ADGRD1: variants seen among roughly 807,000 people sequenced by gnomAD.
ADGRD1 encodes the protein adhesion G protein-coupled receptor D1.
ADGRD1 carries 77 observed loss-of-function variants against 113.4 expected under a neutral mutation model. That is an observed-to-expected ratio of 0.68 (90% CI 0.57 to 0.82). The LOEUF (loss-of-function observed/expected upper bound fraction) is 0.82. ADGRD1 is among the 40% of genes least tolerant of loss of function. The probability of loss-of-function intolerance (pLI) is 0.00; values close to 1 mark genes in which losing one functional copy is unlikely to be tolerated. For synonymous variants in ADGRD1, 474 were observed against 475.0 expected, an observed-to-expected ratio of 1.00 and a Z score of 0.03; for missense variants, 1,036 against 1,139.1, an observed-to-expected ratio of 0.91 and a Z score of 1.30.
chr12:130,958,105 G>T, intron 2 of ADGRD1: 1 of 153,530 alleles, frequency 6.5e-6, no homozygotes, highest in Non-Finnish European at 1.4e-5. Context: ...CCCTTCTCCT[G>T]CCTTCTCTCT....
intron 14 of ADGRD1, among the ~76,000 whole-genome samples, chr12:131,079,711 T>G (rs12425064): frequency 2.6e-5 from 4 of 151,934 alleles, no homozygotes; most frequent in African/African-American, 9.7e-5. Flanking sequence ...GCAGTTTATG[T>G]TTTTTTGAAA....
intron 14 of ADGRD1, among the ~76,000 whole-genome samples, chr12:131,081,872 G>T (rs1239148053): frequency 6.6e-6 from 1 of 152,082 alleles, no homozygotes; most frequent in Non-Finnish European, 1.5e-5. Flanking sequence ...AGTCTTGAAA[G>T]ATTTTCATTG....
intron 12 of ADGRD1, among the ~76,000 whole-genome samples, chr12:131,011,354 T>G (rs1877870755): frequency 6.6e-6 from 1 of 151,750 alleles, no homozygotes; most frequent in Non-Finnish European, 1.5e-5. Flanking sequence ...AGGAAACCAC[T>G]CCAGATTTGC....
intron 13 of ADGRD1, among the ~76,000 whole-genome samples, chr12:131,018,967 T>G (rs1878972878): frequency 6.6e-6 from 1 of 152,202 alleles, no homozygotes; most frequent in African/African-American, 2.4e-5. Context: ...AGGCAGCGTC[T>G]CAGCAAGGCC....
At chr12:131,053,182 T>C (rs1213682182) in intron 13 of ADGRD1, among the ~76,000 whole-genome samples, 1 of 152,242 alleles carries the variant, frequency 6.6e-6, no homozygotes, top group East Asian at 1.9e-4. Flanking sequence ...CTGGTAGCTC[T>C]TTCTCTGACA....
At chr12:130,990,791 G>A in intron 6 of ADGRD1, 1 of 466,040 alleles carries the variant, frequency 2.1e-6, no homozygotes, top group South Asian at 3.5e-5. Context: ...AAGCGATTGA[G>A]AATACAAATG....
chr12:130,972,396 T>C (rs1176186451), intron 4 of ADGRD1, among the ~76,000 whole-genome samples: 1 of 152,186 alleles, frequency 6.6e-6, no homozygotes, highest in African/African-American at 2.4e-5. Flanking sequence ...GATGAGTTCA[T>C]TGTACATGAT....
intron 18 of ADGRD1, among the ~76,000 whole-genome samples, chr12:131,111,746 T>A (rs1950351658): frequency 6.6e-6 from 1 of 152,242 alleles, no homozygotes; most frequent in Non-Finnish European, 1.5e-5. Flanking sequence ...TATTATACTT[T>A]TCGACTCCAG....
chr12:130,986,145 T>G (rs1873640657), intron 5 of ADGRD1, among the ~76,000 whole-genome samples: 1 of 152,244 alleles, frequency 6.6e-6, no homozygotes, highest in Non-Finnish European at 1.5e-5. Flanking sequence ...TTGGCTATTC[T>G]GGCTCTCTTC....
Position 131,002,020 on chromosome 12 carries a change from C to T in ADGRD1, c.1027-1165C>T, listed in dbSNP as rs191940596. Among the ~76,000 whole-genome samples, 1,222 of 152,238 alleles carry T rather than the reference C, an allele frequency of 8.0e-3. 8 individuals carry two copies. The highest frequency in any genetic ancestry group is 0.014 in the Non-Finnish European group (936 of 67,996). On this transcript the variant is annotated intron_variant, in intron 9 of 24. Transcript: ENST00000261654. ...AGTGGCAAAGGGAGAAAAAAAGGCT[C>T]AAGAATGTAAGATGGATACAGTCTT...
At chr12:131,111,646 ATCTT>A (rs1950349797) in intron 18 of ADGRD1, among the ~76,000 whole-genome samples, 1 of 151,432 alleles carries the variant, frequency 6.6e-6, no homozygotes, top group African/African-American at 2.4e-5. Flanking sequence ...AAATTGCGTA[ATCTT>A]TCTTTATCTC....
rs770612786 is a variant in ADGRD1 at position 130,987,327 on chromosome 12, C to T, written c.723C>T (p.Ala241=). The T allele has an allele frequency of 6.2e-7, 1 of 1,614,170 alleles. No homozygotes were observed. Residue 241 remains alanine (A), a synonymous_variant, in exon 6 of 25, where the codon GCC becomes GCT. Coordinates refer to ENST00000261654, the MANE Select transcript of ADGRD1 (RefSeq NM_198827.5). ...GGGCTCTGACTCCGGATGAGATCGC[C>T]ATGTACTTCACTGCTGCCATTGGTC... ...WERALTPDEI[A]MYFTAAIGKH... is the part of the protein sequence containing the mutation.
chr12:131,119,482 C>G (rs143545143), intron 19 of ADGRD1, among the ~76,000 whole-genome samples: 1,545 of 152,330 alleles, frequency 0.01, 20 homozygotes, highest in African/African-American at 0.034. Context: ...TTTATCCCAT[C>G]TGGAGCTTGG....
rs1240638799 is a variant in ADGRD1, at chr12:131,046,593, G to A, written c.1474-30208G>A. On this transcript the variant is annotated intron_variant, in intron 13 of 24. Transcript: ENST00000261654. ...CTGGTGAGTGCTCCCTCCCTGGTCAGTGTCCTCCCTGGTCAGTGCCCCCTC... is the reference window on the plus strand; with the variant it reads ...CTGGTGAGTGCTCCCTCCCTGGTCAATGTCCTCCCTGGTCAGTGCCCCCTC... Among the ~76,000 whole-genome samples, 74 of 130,028 alleles carry A rather than the reference G, an allele frequency of 5.7e-4. 1 individual carries two copies. Among genetic ancestry groups the A allele is most frequent in the African/African-American group, 2.3e-3 (70 of 30,482 alleles). The allele number at this position is 130,028 out of a possible 152,430, so 85.3% of individuals were successfully genotyped here.
chr12:131,076,927 C>G (rs1190352365), intron 14 of ADGRD1, 53 bp downstream of exon 14: 3 of 1,395,566 alleles, frequency 2.1e-6, no homozygotes, highest in Admixed American at 1.7e-5. Flanking sequence ...AAGCCCAGGC[C>G]CGCCCCATGC....
At chr12:131,032,505 G>T (rs1593079851) in intron 13 of ADGRD1, among the ~76,000 whole-genome samples, 1 of 152,310 alleles carries the variant, frequency 6.6e-6, no homozygotes, top group East Asian at 1.9e-4. Flanking sequence ...AGGCCCGGGT[G>T]CCAGCACCTG....
At chr12:131,112,850 G>C (rs1950374969) in intron 18 of ADGRD1, among the ~76,000 whole-genome samples, 1 of 152,194 alleles carries the variant, frequency 6.6e-6, no homozygotes, top group African/African-American at 2.4e-5. Context: ...TGAGTCAACA[G>C]AGATGAGGGC....
At chr12:131,098,076 A>G (rs1887421808) in intron 15 of ADGRD1, among the ~76,000 whole-genome samples, 1 of 35,854 alleles carries the variant, frequency 2.8e-5, no homozygotes, top group Non-Finnish European at 7.8e-5. Flanking sequence ...GTCTGGTTCC[A>G]GTTTCTGCTG....
chr12:131,104,115 G>A (rs1027930813), intron 15 of ADGRD1, among the ~76,000 whole-genome samples: 4 of 152,244 alleles, frequency 2.6e-5, no homozygotes, highest in Non-Finnish European at 5.9e-5. Context: ...ACAAGGTGTT[G>A]GGACCCAGCA....
Sources: allele counts gnomAD v4.1 joint callset (sites outside exome capture counted in the v4.1 genomes callset), GRCh38; gene constraint gnomAD v4.1.1; transcripts MANE v1.5; gene names NCBI Gene and HGNC (gene_info 2026-07-23, HGNC 2026-07-21).